FRMD4A: variants seen among roughly 807,000 people sequenced by gnomAD.
FRMD4A encodes FERM domain containing 4A, also known as FERM domain-containing protein 4A.
In FRMD4A, 29 loss-of-function variants were observed where a neutral mutation model predicts 129.1. That is an observed-to-expected ratio of 0.22 (90% CI 0.17 to 0.31). The LOEUF is 0.31. FRMD4A is among the 10% of genes least tolerant of loss of function. The probability of loss-of-function intolerance (pLI) is 1.00; values close to 1 mark genes in which losing one functional copy is unlikely to be tolerated. For synonymous variants in FRMD4A, 634 were observed against 571.6 expected (o/e 1.11, Z -1.56); for missense variants, 1,272 against 1,375.8 (o/e 0.92, Z 1.19).
intron 2 of FRMD4A, among the ~76,000 whole-genome samples, chr10:13,886,203 T>A (rs768131417): frequency 2.7e-5 from 4 of 146,240 alleles, no homozygotes; most frequent in South Asian, 4.5e-4. Flanking sequence ...GCATTATCAA[T>A]CTAATTCCCC....
At chr10:13,660,026 C>A (rs373729446) in intron 20 of FRMD4A, among the ~76,000 whole-genome samples, 2 of 152,206 alleles carry the variant, frequency 1.3e-5, no homozygotes, top group Non-Finnish European at 2.9e-5. Context: ...TTCAGAATAG[C>A]GCTGCCTGAG....
intron 2 of FRMD4A, among the ~76,000 whole-genome samples, chr10:14,236,121 A>G (rs909614258): frequency 6.6e-6 from 1 of 152,162 alleles, no homozygotes; most frequent in African/African-American, 2.4e-5. Context: ...TCTAAAAGGG[A>G]TGCTCTTCGC....
intron 2 of FRMD4A, among the ~76,000 whole-genome samples, chr10:13,990,290 C>T (rs2095598798): frequency 6.6e-6 from 1 of 152,162 alleles, no homozygotes; most frequent in Admixed American, 6.6e-5. Context: ...TCCCTCTCTG[C>T]CTGGATTTGC....
chr10:13,821,274 G>A lies in FRMD4A; in HGVS notation c.112-10366C>T, dbSNP rs900949951. Among the ~76,000 whole-genome samples the A allele has an allele frequency of 3.3e-5, 5 of 152,126 alleles. No homozygotes were observed. Among genetic ancestry groups the A allele is most frequent in the Non-Finnish European group, 7.4e-5 (5 of 68,006 alleles). On this transcript the variant is annotated intron_variant, in intron 3 of 24. Coordinates refer to ENST00000357447, the MANE Select transcript of FRMD4A (RefSeq NM_018027.5). The surrounding 1 kb of genome is among the most constrained non-coding windows in gnomAD (Gnocchi z 4.3). ...TCCTGCCTCTCCAGCACAGCCCTGG[G>A]TTCTGTGGCAGGGGACACAGGGAGG... is the stretch of plus-strand genomic sequence containing the variant.
intron 4 of FRMD4A, among the ~76,000 whole-genome samples, chr10:13,802,050 T>C (rs1395279213): frequency 6.6e-6 from 1 of 151,560 alleles, no homozygotes; most frequent in Non-Finnish European, 1.5e-5. Context: ...CAGAGTATTT[T>C]TGTTATTATG....
At chr10:14,195,640 G>C (rs1263052239) in intron 2 of FRMD4A, among the ~76,000 whole-genome samples, 1 of 152,218 alleles carries the variant, frequency 6.6e-6, no homozygotes, top group Non-Finnish European at 1.5e-5. Flanking sequence ...GTTGCAGGGG[G>C]AATCAAGCTG....
chr10:14,251,362 G>T (rs1844435171), intron 2 of FRMD4A, among the ~76,000 whole-genome samples: 1 of 152,102 alleles, frequency 6.6e-6, no homozygotes, highest in Admixed American at 6.5e-5. Flanking sequence ...CTCTATGGGA[G>T]GTCCACATAG....
intron 2 of FRMD4A, among the ~76,000 whole-genome samples, chr10:14,048,808 A>C (rs1834101958): frequency 7.1e-6 from 1 of 141,164 alleles, no homozygotes; most frequent in Admixed American, 7.1e-5. Flanking sequence ...TCTTGTCTCA[A>C]ATAAAATAGA....
At chr10:14,221,818 G>C (rs951646503) in intron 2 of FRMD4A, among the ~76,000 whole-genome samples, 1 of 152,088 alleles carries the variant, frequency 6.6e-6, no homozygotes, top group East Asian at 1.9e-4. Flanking sequence ...CCCTCCCAAA[G>C]TGCTGGGGTT....
chr10:14,088,887 C>T (rs74973956), intron 2 of FRMD4A, among the ~76,000 whole-genome samples: 1 of 151,952 alleles, frequency 6.6e-6, no homozygotes, highest in African/African-American at 2.4e-5. Context: ...GAGGCAGTCA[C>T]GGTCGGGGCT....
At chr10:13,658,035 CAGG>C (rs113717327) in intron 21 of FRMD4A, among the ~76,000 whole-genome samples, 11,755 of 147,566 alleles carry the variant, frequency 0.08, 1,429 homozygotes, top group African/African-American at 0.27. Flanking sequence ...CCCAGCTAGT[CAGG>C]AGGTTGAAGA....
At chr10:14,237,445 C>G (rs1843866841) in intron 2 of FRMD4A, among the ~76,000 whole-genome samples, 1 of 152,154 alleles carries the variant, frequency 6.6e-6, no homozygotes, top group Non-Finnish European at 1.5e-5. Context: ...ATTCTCCTGC[C>G]TCAGTCTCCT....
chr10:14,212,233 G>A (rs907345118), intron 2 of FRMD4A, among the ~76,000 whole-genome samples: 2 of 152,180 alleles, frequency 1.3e-5, no homozygotes, highest in Non-Finnish European at 2.9e-5. Context: ...GACTGCAGGA[G>A]CAGCATGGGA....
At chr10:13,794,972 C>T (rs572328193) in intron 5 of FRMD4A, among the ~76,000 whole-genome samples, 1 of 152,186 alleles carries the variant, frequency 6.6e-6, no homozygotes, top group Non-Finnish European at 1.5e-5. Context: ...CTTCCACCAC[C>T]AACGTCAAGG....
chr10:13,874,658 A>G (rs1475177023), intron 2 of FRMD4A, among the ~76,000 whole-genome samples: 1 of 152,236 alleles, frequency 6.6e-6, no homozygotes, highest in Non-Finnish European at 1.5e-5. Context: ...GACCACTAAC[A>G]CCTTCCAGGA....
At chr10:13,701,000 T>C (rs2086780315) in intron 14 of FRMD4A, among the ~76,000 whole-genome samples, 1 of 152,006 alleles carries the variant, frequency 6.6e-6, no homozygotes, top group South Asian at 2.1e-4. Context: ...TATACCACTG[T>C]TTAAACACCA....
At chr10:13,729,763 AG>A (rs1341528034) in intron 12 of FRMD4A, among the ~76,000 whole-genome samples, 1 of 152,162 alleles carries the variant, frequency 6.6e-6, no homozygotes, top group Non-Finnish European at 1.5e-5. Flanking sequence ...TGTACATAAA[AG>A]CCCCCCTAAT....
chr10:13,696,574 T>C (rs534779305), intron 14 of FRMD4A, among the ~76,000 whole-genome samples: 1 of 152,286 alleles, frequency 6.6e-6, no homozygotes, highest in East Asian at 1.9e-4. Context: ...CAAAACCCTG[T>C]CTCTACTAAA....
chr10:13,832,069 T>A (rs1433007563), intron 3 of FRMD4A, among the ~76,000 whole-genome samples: 1 of 152,164 alleles, frequency 6.6e-6, no homozygotes, highest in South Asian at 2.1e-4. Context: ...TCCATTCTAA[T>A]GTGCATGAGT....
Sources: gnomAD v4.1 joint callset for allele counts (sites outside exome capture counted in the v4.1 genomes callset) on GRCh38, gnomAD v4.1.1 for gene constraint, Gnocchi (gnomAD v3.1) non-coding constraint, MANE v1.5 for transcripts, NCBI Gene and HGNC (gene_info 2026-07-23, HGNC 2026-07-21) for gene names.